ZNF236: variants seen among roughly 807,000 people sequenced by gnomAD.
The protein encoded by ZNF236 is zinc finger protein 236.
A neutral mutation model predicts 191.2 loss-of-function variants in ZNF236; 50 were observed. That is an observed-to-expected ratio of 0.26 (90% CI 0.21 to 0.33). The LOEUF is 0.33. Ranked by LOEUF, ZNF236 falls within the 10% of genes least tolerant of loss-of-function variation. The probability of loss-of-function intolerance (pLI) is 1.00; values close to 1 mark genes in which losing one functional copy is unlikely to be tolerated. For missense variants in ZNF236, 1,754 were observed against 2,374.5 expected (o/e 0.74, Z 5.43); for synonymous variants, 907 against 928.8 (o/e 0.98, Z 0.43).
Position 76,947,615 on chromosome 18 carries a change from A to G in ZNF236, c.4877A>G (p.Gln1626Arg). The change falls in exon 27 of 31, where the codon CAG (glutamine) becomes CGG (arginine). Residue 1626 changes from glutamine to arginine, a missense_variant. By Grantham distance (43) the Gln-to-Arg change is conservative. Transcript: ENST00000320610. ...PQVILVSHTP[Q>R]SASAACEEIA... Reference sequence around the variant, plus strand: ...GTCATACTAGTGAGCCACACGCCACAGTCAGCGTCTGCTGCTTGTGAAGAA... The same window carrying G: ...GTCATACTAGTGAGCCACACGCCACGGTCAGCGTCTGCTGCTTGTGAAGAA... 6.2e-7 allele frequency: 1 copy of G among 1,614,034 alleles called. No homozygotes were observed. The highest frequency in any genetic ancestry group is 8.5e-7 in the Non-Finnish European group (1 of 1,179,952).
chr18:76,862,603 A>G (rs1171086205), intron 3 of ZNF236, among the ~76,000 whole-genome samples: 3 of 152,036 alleles, frequency 2.0e-5, no homozygotes, highest in Non-Finnish European at 4.4e-5. Context: ...GAGTGTTCTG[A>G]TTCTCCCTCC....
At position 76,925,529 on chromosome 18, in the gene ZNF236, A is replaced by G; in HGVS notation, c.4002A>G (p.Gln1334=). Residue 1334 remains glutamine, a synonymous_variant, in exon 22 of 31, where the codon CAA becomes CAG. Transcript: ENST00000320610. The surrounding 1 kb of genome is among the most constrained non-coding windows in gnomAD (Gnocchi z 5.7). ...TGCTGCAACCAGGACTGGTGGGCCAAGCTATTCTCCCTGCCTCTGTGTCAG... is the reference window on the plus strand; with the variant it reads ...TGCTGCAACCAGGACTGGTGGGCCAGGCTATTCTCCCTGCCTCTGTGTCAG... The part of the protein sequence containing the change: ...QNLLQPGLVG[Q]AILPASVSAG... 1.2e-6 allele frequency: 2 copies of G among 1,613,572 alleles called. No homozygotes were observed. The highest frequency in any genetic ancestry group is 1.7e-6 in the Non-Finnish European group (2 of 1,179,998).
intron 8 of ZNF236, 150 bp from the exon 9 acceptor site, chr18:76,881,134 G>C (rs974624456): frequency 1.5e-6 from 1 of 673,502 alleles, no homozygotes; most frequent in African/African-American, 1.8e-5. Context: ...CAAAGGGTTG[G>C]AAGCCTCACT....
intron 1 of ZNF236, chr18:76,849,292 C>A: frequency 2.5e-6 from 1 of 406,940 alleles, no homozygotes; most frequent in Non-Finnish European, 4.3e-6. Context: ...CTGAAAAGCC[C>A]ACCAATATGT....
intron 9 of ZNF236, among the ~76,000 whole-genome samples, chr18:76,893,591 C>G (rs527532386): frequency 1.3e-5 from 2 of 152,246 alleles, no homozygotes; most frequent in Admixed American, 1.3e-4. Context: ...CACTGCAACT[C>G]CTATGTCCTG....
chr18:76,952,741 G>A (rs922357187), intron 27 of ZNF236, among the ~76,000 whole-genome samples: 2 of 152,196 alleles, frequency 1.3e-5, no homozygotes, highest in African/African-American at 4.8e-5. Context: ...CCAGGAGTTC[G>A]AGACTGCTGT....
chr18:76,905,469 G>A lies in ZNF236; in HGVS notation c.2297+54G>A. On this transcript the variant is annotated intron_variant, in intron 13 of 30. Transcript: ENST00000320610. ...ATCATCTTTATAATTTCCAGTAGAT[G>A]GTGGGGAGTGTTTTTAGGAAATAAT... 2.6e-6 allele frequency: 4 copies of A among 1,562,190 alleles called. No homozygotes were observed. The South Asian group carries it at 3.5e-5, about 14-fold the overall frequency.
Position 76,875,576 on chromosome 18 carries a change from G to T in ZNF236, c.752G>T (p.Gly251Val). The T allele has an allele frequency of 6.2e-7, 1 of 1,607,334 alleles. No individual in the cohort carries two copies. The highest frequency in any genetic ancestry group is 8.5e-7 in the Non-Finnish European group (1 of 1,176,616). ...CAGACCCACATGATCAAGCACACAG[G>T]TGAAAAACCCCATGCCTGTGCCTTC... ...ALQTHMIKHT[G>V]EKPHACAFCP... is the part of the protein sequence containing the mutation. The change falls in exon 6 of 31, where the codon GGT becomes GTT. Residue 251 changes from glycine (G) to valine (V), a missense_variant. Around this residue, in one of 5 missense-constraint regions of ZNF236, gnomAD observed 336 missense variants for 495.1 expected, o/e 0.68. Coordinates refer to ENST00000320610, the MANE Select transcript of ZNF236 (RefSeq NM_001306089.2). This position sits in a 1 kb window ranked among gnomAD's most constrained non-coding sequence, Gnocchi z 4.3.
intron 26 of ZNF236, among the ~76,000 whole-genome samples, chr18:76,946,194 C>T (rs913358100): frequency 4.6e-5 from 7 of 152,156 alleles, no homozygotes; most frequent in Non-Finnish European, 8.8e-5. Flanking sequence ...TTGCTGTTCT[C>T]ATGATAGTGA....
At chr18:76,903,429 T>G (rs1341572181) in intron 11 of ZNF236, among the ~76,000 whole-genome samples, 1 of 152,170 alleles carries the variant, frequency 6.6e-6, no homozygotes, top group Non-Finnish European at 1.5e-5. Flanking sequence ...GGGAAGAAAT[T>G]GAAACGGAAT....
chr18:76,900,666 T>C (rs912131529), intron 11 of ZNF236, among the ~76,000 whole-genome samples: 4 of 152,174 alleles, frequency 2.6e-5, no homozygotes, highest in Non-Finnish European at 4.4e-5. Context: ...TGTAAACAGA[T>C]TGGATGGACC....
chr18:76,971,305 C>T lies in ZNF236; in HGVS notation c.*2966C>T, dbSNP rs962469902. 6.6e-6 allele frequency among the ~76,000 whole-genome samples: 1 copy of T among 152,118 alleles called. No homozygotes were observed. The highest frequency in any genetic ancestry group is 6.5e-5 in the Admixed American group (1 of 15,280). On this transcript the variant is annotated 3_prime_UTR_variant, in exon 31 of 31. Coordinates refer to ENST00000320610, the MANE Select transcript of ZNF236 (RefSeq NM_001306089.2). ...CACCCCCATCAAGCTCTACTTTTTC[C>T]CCTTTGAAAAACTTGAGGCACTTAG...
chr18:76,866,067 A>C (rs1196149780), intron 3 of ZNF236, among the ~76,000 whole-genome samples: 1 of 152,174 alleles, frequency 6.6e-6, no homozygotes, highest in Admixed American at 6.5e-5. Flanking sequence ...TCACTTAGGA[A>C]TTTTTCTTAA....
chr18:76,902,587 C>G (rs1022452511), intron 11 of ZNF236, among the ~76,000 whole-genome samples: 9 of 151,708 alleles, frequency 5.9e-5, no homozygotes, highest in Admixed American at 3.3e-4. Flanking sequence ...TCTTTCCTTT[C>G]TTGAGACAGA....
At chr18:76,901,200 T>C (rs1599378071) in intron 11 of ZNF236, among the ~76,000 whole-genome samples, 2 of 152,078 alleles carry the variant, frequency 1.3e-5, no homozygotes, top group African/African-American at 4.8e-5. Flanking sequence ...ACAAAACTTA[T>C]AAAAATGAAC....
chr18:76,843,648 C>A (rs1023337500), intron 1 of ZNF236, among the ~76,000 whole-genome samples: 2 of 151,044 alleles, frequency 1.3e-5, no homozygotes, highest in African/African-American at 4.9e-5. Context: ...TGGTGGCGTG[C>A]GCCTGTAGTC....
rs1409329137 is a variant in ZNF236, at chr18:76,971,416, C to T, written c.*3077C>T. ...TGGGAGGCTCATCAAATGCCACTCT[C>T]CTCTTCCTGACAGTGTTCTGCTGGT... On this transcript the variant is annotated 3_prime_UTR_variant, in exon 31 of 31. Transcript: ENST00000320610. 2.0e-5 allele frequency among the ~76,000 whole-genome samples: 3 copies of T among 152,204 alleles called. No homozygotes were observed. Among genetic ancestry groups the T allele is most frequent in the Non-Finnish European group, 4.4e-5 (3 of 68,036 alleles).
At chr18:76,898,314 T>A (rs1034624973) in intron 10 of ZNF236, 1 of 152,388 alleles carries the variant, frequency 6.6e-6, no homozygotes, top group African/African-American at 2.4e-5. Context: ...GGAACATTTT[T>A]ATCACCCTGC....
At chr18:76,900,327 AT>A (rs1977552084) in intron 11 of ZNF236, among the ~76,000 whole-genome samples, 1 of 152,202 alleles carries the variant, frequency 6.6e-6, no homozygotes, top group South Asian at 2.1e-4. Context: ...AAATACTCAA[AT>A]TCTCAAGTGC....
Sources: allele counts gnomAD v4.1 joint callset (sites outside exome capture counted in the v4.1 genomes callset), GRCh38; gene constraint gnomAD v4.1.1; regional missense constraint gnomAD v4.1.1; non-coding constraint Gnocchi (gnomAD v3.1); transcripts MANE v1.5; gene names NCBI Gene and HGNC (gene_info 2026-07-23, HGNC 2026-07-21).